NID1: variants seen among roughly 807,000 people sequenced by gnomAD.
NID1 encodes nidogen 1.
A neutral mutation model predicts 130.6 loss-of-function variants in NID1; 76 were observed. The ratio of observed to expected loss-of-function variants is 0.58; its 90% CI spans 0.48 to 0.70. The LOEUF is 0.70. NID1 is among the 30% of genes least tolerant of loss of function. NID1 has a pLI of 0.00. For missense variants in NID1, 1,517 were observed against 1,664.8 expected (o/e 0.91, Z 1.54); for synonymous variants, 665 against 675.1 (o/e 0.98, Z 0.23).
Position 236,026,129 on chromosome 1 carries a change from G to A in NID1, c.1751C>T (p.Ser584Phe). 1.2e-6 allele frequency: 2 copies of A among 1,613,802 alleles called. No homozygotes were observed. The highest frequency in any genetic ancestry group is 1.7e-6 in the Non-Finnish European group (2 of 1,179,910). Residue 584 changes from serine to phenylalanine, a missense_variant, in exon 8 of 20, where the codon TCC (serine) becomes TTC (phenylalanine). Physicochemically the swap from Ser to Phe is radical, Grantham distance 155. This residue lies in a region of NID1 where 1,329 missense variants were observed against 1,429.2 expected (regional missense o/e 0.93). Transcript: ENST00000264187. ...AGTCACCGTGTACTCCCGGGTGGAG[G>A]AGGAAGTGATCACTGCAGAGTGGGA... Reference protein sequence around the residue: ...YHYSTSVITSSSTREYTVTEP... With the variant: ...YHYSTSVITSFSTREYTVTEP...
chr1:235,985,617 T>C, intron 14 of NID1, 112 bp from the exon 15 acceptor site: 3 of 1,267,782 alleles, frequency 2.4e-6, no homozygotes, highest in African/African-American at 1.5e-5. Flanking sequence ...GTGTCAAGTG[T>C]TTTGTTCATT....
intron 4 of NID1, 116 bp from the exon 5 acceptor site, chr1:236,038,369 C>G: frequency 9.2e-7 from 1 of 1,089,624 alleles, no homozygotes; most frequent in Non-Finnish European, 1.3e-6. Context: ...ATGGGCAATT[C>G]AAGGGACCAG....
rs755172570 is a variant in NID1, at chr1:236,017,356, C to T, written c.2129-83G>A. 1.5e-5 allele frequency: 21 copies of T among 1,438,340 alleles called. No individual in the cohort carries two copies. The African/African-American group carries it at 2.9e-4, about 20-fold the overall frequency. The allele number at this position is 1,438,340 out of a possible 1,614,324, so 89.1% of individuals were successfully genotyped here. On this transcript the variant is annotated intron_variant, in intron 9 of 19. Coordinates refer to ENST00000264187, the MANE Select transcript of NID1 (RefSeq NM_002508.3). The stretch of plus-strand genomic sequence containing the variant: ...TGACTATAATAAAATAGCATTGTCA[C>T]CTAAGAATAGATCAATTTTAAAACA...
intron 13 of NID1, 122 bp downstream of exon 13, chr1:235,993,523 C>T (rs1657824896): frequency 2.2e-6 from 2 of 893,718 alleles, no homozygotes; most frequent in Admixed American, 3.1e-5. Context: ...GCGGGTGGGG[C>T]TGGAGCCAGT....
chr1:236,050,164 C>G (rs184935168), intron 1 of NID1, among the ~76,000 whole-genome samples: 3 of 152,192 alleles, frequency 2.0e-5, no homozygotes, highest in African/African-American at 7.2e-5. Context: ...GATTTGAACC[C>G]ACGGAGTCCG....
intron 12 of NID1, among the ~76,000 whole-genome samples, chr1:236,000,237 C>T (rs550508522): frequency 6.6e-6 from 1 of 152,170 alleles, no homozygotes; most frequent in African/African-American, 2.4e-5. Flanking sequence ...ACAACAACAA[C>T]AGCAACAACA....
At chr1:236,020,615 C>T (rs1183234515) in intron 9 of NID1, among the ~76,000 whole-genome samples, 3 of 152,116 alleles carry the variant, frequency 2.0e-5, no homozygotes, top group Non-Finnish European at 4.4e-5. Context: ...GTGTCATATA[C>T]CATCATATCA....
intron 3 of NID1, among the ~76,000 whole-genome samples, chr1:236,042,531 C>A (rs1288890022): frequency 1.3e-5 from 2 of 152,178 alleles, no homozygotes; most frequent in Non-Finnish European, 1.5e-5. Context: ...TCAGTCCCAG[C>A]CATTCCAGAA....
Position 236,048,334 on chromosome 1 carries a change from CA to C in NID1, c.525+355del, listed in dbSNP as rs561425575. The stretch of plus-strand genomic sequence containing the variant: ...TGGGCGACAGAGCGAGACTCCATCT[CA>C]AAAAAAAAGAAAAATAAATAAATAA... On this transcript the variant is annotated intron_variant, in intron 2 of 19. Transcript: ENST00000264187. 4.8e-3 allele frequency among the ~76,000 whole-genome samples: 697 copies of C among 145,498 alleles called. 6 individuals carry two copies. The highest frequency in any genetic ancestry group is 0.016 in the African/African-American group (649 of 40,334).
chr1:236,026,154 A>G lies in NID1; in HGVS notation c.1739-13T>C. On this transcript the variant is annotated splice_polypyrimidine_tract_variant and intron_variant, in intron 7 of 19. Transcript: ENST00000264187. Reference sequence around the variant, plus strand: ...GAGGAAGTGATCACTGCAGAGTGGGAAGGATGGAGGGGACAAGGCAGGGAG... The same window carrying G: ...GAGGAAGTGATCACTGCAGAGTGGGGAGGATGGAGGGGACAAGGCAGGGAG... 1 of 1,612,814 alleles carries G rather than the reference A, an allele frequency of 6.2e-7. No homozygotes were observed.
chr1:236,049,805 C>T (rs1042490678), intron 1 of NID1, among the ~76,000 whole-genome samples: 4 of 151,226 alleles, frequency 2.6e-5, no homozygotes, highest in African/African-American at 4.9e-5. Flanking sequence ...TTTGGGAGGC[C>T]GAGGTGGGCA....
chr1:236,025,071 C>A (rs536160650), intron 8 of NID1, among the ~76,000 whole-genome samples: 6 of 151,492 alleles, frequency 4.0e-5, no homozygotes, highest in Admixed American at 3.3e-4. Context: ...CTGCCTCAGC[C>A]GCCCCGAGTA....
At chr1:236,012,582 GA>G (rs1277838491) in intron 11 of NID1, among the ~76,000 whole-genome samples, 1 of 116,270 alleles carries the variant, frequency 8.6e-6, no homozygotes, top group Non-Finnish European at 1.8e-5. Context: ...AAAAAAAAAA[GA>G]AAGAAAAGAA....
intron 9 of NID1, among the ~76,000 whole-genome samples, chr1:236,022,528 C>T (rs58423647): frequency 1.3e-4 from 19 of 151,002 alleles, no homozygotes; most frequent in African/African-American, 3.1e-4. Context: ...TTAGTAGAGA[C>T]GGGGTTTCAC....
At position 235,990,983 on chromosome 1, in the gene NID1, G is replaced by A. The variant is rs1657718805; in HGVS notation, c.2831C>T (p.Thr944Ile). 6.2e-7 allele frequency: 1 copy of A among 1,613,998 alleles called. No homozygotes were observed. The highest frequency in any genetic ancestry group is 8.5e-7 in the Non-Finnish European group (1 of 1,179,978). ...CCCAGTCTGGGCAAAGAGTAAATGG[G>A]TCCCAGGAGGCAAGGGGATCACGGC... ...PTAVIPLPPG[T>I]HLLFAQTGKI... The change falls in exon 14 of 20, where the codon ACC becomes ATC. Residue 944 changes from threonine to isoleucine, a missense_variant. Thr to Ile is a moderately conservative substitution (Grantham distance 89). Around this residue, in one of 3 missense-constraint regions of NID1, gnomAD observed 1,329 missense variants for 1,429.2 expected, o/e 0.93. Transcript: ENST00000264187.
intron 12 of NID1, among the ~76,000 whole-genome samples, chr1:236,001,362 C>G (rs1160425321): frequency 6.6e-6 from 1 of 152,180 alleles, no homozygotes; most frequent in African/African-American, 2.4e-5. Flanking sequence ...GCCTCGGCCT[C>G]CCAAAGTGCT....
At chr1:236,002,825 G>A (rs1303690443) in intron 12 of NID1, among the ~76,000 whole-genome samples, 1 of 152,172 alleles carries the variant, frequency 6.6e-6, no homozygotes, top group Non-Finnish European at 1.5e-5. Context: ...GGTCAGACGT[G>A]GCCACAGACA....
At chr1:235,994,442 A>C (rs58672227) in intron 12 of NID1, among the ~76,000 whole-genome samples, 6,275 of 152,324 alleles carry the variant, frequency 0.041, 446 homozygotes, top group African/African-American at 0.14. Flanking sequence ...GATTACAGGC[A>C]TGAGCCACTG....
At chr1:236,004,032 C>A (rs1268730060) in intron 12 of NID1, among the ~76,000 whole-genome samples, 1,562 of 115,874 alleles carry the variant, frequency 0.013, no homozygotes, top group Non-Finnish European at 0.015. Flanking sequence ...GACTCTGTCT[C>A]AAAAAAAAAA....
Sources: allele counts gnomAD v4.1 joint callset (sites outside exome capture counted in the v4.1 genomes callset), GRCh38; gene constraint gnomAD v4.1.1; regional missense constraint gnomAD v4.1.1; transcripts MANE v1.5; gene names NCBI Gene and HGNC (gene_info 2026-07-23, HGNC 2026-07-21).